TRMT11: variants seen among roughly 807,000 people sequenced by gnomAD.
TRMT11 encodes tRNA (guanine(10)-N(2))-methyltransferase TRMT11.
TRMT11 carries 53 observed loss-of-function variants against 62.8 expected under a neutral mutation model. The ratio of observed to expected loss-of-function variants is 0.84; its 90% CI spans 0.68 to 1.06. TRMT11 has a LOEUF of 1.06. Ranked by LOEUF, TRMT11 falls within the 50% of genes least tolerant of loss-of-function variation. The pLI, the probability that TRMT11 is intolerant of heterozygous loss-of-function variation, is 0.00. For missense variants in TRMT11, 556 were observed against 553.4 expected, an observed-to-expected ratio of 1.00 and a Z score of -0.05; for synonymous variants, 188 against 190.3, an observed-to-expected ratio of 0.99 and a Z score of 0.10.
At chr6:126,115,120 C>T (rs907216391) in intron 19 of TRMT11, among the ~76,000 whole-genome samples, 2 of 152,050 alleles carry the variant, frequency 1.3e-5, no homozygotes, top group South Asian at 2.1e-4. Flanking sequence ...AGCCTAAATA[C>T]CCACCTTCCA....
At chr6:126,242,000 G>A in the TRMT11 span, among the ~76,000 whole-genome samples, 15 of 151,922 alleles carry the variant, frequency 9.9e-5, no homozygotes, top group Middle Eastern at 3.4e-3. Flanking sequence ...AATTGTCCCT[G>A]TTTGCAGATG....
At chr6:126,180,998 A>T (rs1216583238) in intron 1 of TRMT11, among the ~76,000 whole-genome samples, 4 of 152,216 alleles carry the variant, frequency 2.6e-5, no homozygotes, top group Admixed American at 6.5e-5. Context: ...TATTTACAAG[A>T]ACACAATTTT....
chr6:126,027,206 C>A (rs890382888), intron 12 of TRMT11, among the ~76,000 whole-genome samples: 2 of 152,014 alleles, frequency 1.3e-5, no homozygotes, highest in Non-Finnish European at 2.9e-5. Context: ...AAACATTTTT[C>A]TTATATGAAA....
At chr6:126,109,468 C>T (rs1777501585) in intron 17 of TRMT11, among the ~76,000 whole-genome samples, 1 of 152,168 alleles carries the variant, frequency 6.6e-6, no homozygotes, top group South Asian at 2.1e-4. Context: ...AGGAATGACA[C>T]TGAAGTGATG....
At chr6:126,221,085 T>C in the TRMT11 span, among the ~76,000 whole-genome samples, 1 of 152,148 alleles carries the variant, frequency 6.6e-6, no homozygotes, top group East Asian at 1.9e-4. Context: ...CTGCAAAGGA[T>C]GTAATTTCAT....
At chr6:126,097,232 C>T (rs1292811083) in intron 17 of TRMT11, among the ~76,000 whole-genome samples, 1 of 152,138 alleles carries the variant, frequency 6.6e-6, no homozygotes, top group Non-Finnish European at 1.5e-5. Context: ...TAGAAAATGA[C>T]TTCCCTTCCT....
intron 17 of TRMT11, among the ~76,000 whole-genome samples, chr6:126,054,556 G>A (rs531917018): frequency 1.4e-4 from 22 of 152,238 alleles, no homozygotes; most frequent in African/African-American, 4.8e-4. Context: ...CAGTGCTGAC[G>A]GTGTAGGCCT....
intron 3 of TRMT11, among the ~76,000 whole-genome samples, chr6:126,201,101 G>A (rs1778730438): frequency 6.6e-6 from 1 of 152,070 alleles, no homozygotes; most frequent in Non-Finnish European, 1.5e-5. Context: ...ATGAAATCTT[G>A]GCATCTTTAA....
At chr6:126,023,648 A>G (rs566926785) in intron 12 of TRMT11, among the ~76,000 whole-genome samples, 58 of 152,306 alleles carry the variant, frequency 3.8e-4, no homozygotes, top group African/African-American at 1.3e-3. Flanking sequence ...CTCTGTCTCA[A>G]AACAAACAAC....
chr6:126,127,581 A>G (rs55767404), intron 21 of TRMT11, among the ~76,000 whole-genome samples: 42,392 of 151,216 alleles, frequency 0.28, 6,319 homozygotes, highest in Middle Eastern at 0.45. Context: ...GTACACATGT[A>G]CCATGTTGGT....
chr6:126,050,055 A>G (rs1029983413), intron 16 of TRMT11, among the ~76,000 whole-genome samples: 2 of 152,158 alleles, frequency 1.3e-5, no homozygotes, highest in African/African-American at 4.8e-5. Context: ...TGGACTGGGC[A>G]TGGTGGCTCA....
chr6:126,180,221 A>T (rs1227752651), intron 1 of TRMT11, among the ~76,000 whole-genome samples: 1 of 152,222 alleles, frequency 6.6e-6, no homozygotes, highest in Non-Finnish European at 1.5e-5. Flanking sequence ...TACAAAGATT[A>T]CCTATTGTGA....
chr6:126,145,884 G>A (rs1239939656), intron 21 of TRMT11, among the ~76,000 whole-genome samples: 1 of 151,926 alleles, frequency 6.6e-6, no homozygotes, highest in Non-Finnish European at 1.5e-5. Flanking sequence ...ACTTTCTACA[G>A]GTTAAAAATC....
intron 17 of TRMT11, among the ~76,000 whole-genome samples, chr6:126,079,308 C>A (rs756448180): frequency 8.5e-5 from 13 of 152,098 alleles, no homozygotes; most frequent in Non-Finnish European, 1.8e-4. Context: ...AAATTTAACA[C>A]CATGCTCTTG....
At chr6:126,169,612 GT>G (rs1239434531) in intron 21 of TRMT11, among the ~76,000 whole-genome samples, 3 of 152,284 alleles carry the variant, frequency 2.0e-5, no homozygotes, top group Admixed American at 6.5e-5. Flanking sequence ...GGTAAAATAT[GT>G]GGTCACCTGG....
chr6:126,089,761 A>G lies in TRMT11; in HGVS notation c.*1438-23105A>G, dbSNP rs140844252. 4.3e-3 allele frequency among the ~76,000 whole-genome samples: 650 copies of G among 152,344 alleles called. 2 individuals are homozygous for G. Among genetic ancestry groups the G allele is most frequent in the African/African-American group, 0.014 (600 of 41,574 alleles). The stretch of plus-strand genomic sequence containing the variant: ...GTCATTAGGAATTTATGTCTACTGT[A>G]ATTGTGTTTGTAACTTTCCACTAGA... On this transcript the variant is annotated intron_variant and NMD_transcript_variant, in intron 17 of 22. Coordinates refer to the TRMT11 transcript ENST00000648977.
intron 1 of TRMT11, among the ~76,000 whole-genome samples, chr6:126,185,204 T>G (rs963606441): frequency 6.6e-6 from 1 of 152,176 alleles, no homozygotes; most frequent in African/African-American, 2.4e-5. Context: ...TATTTGGTAA[T>G]GAAGATTTAT....
intron 12 of TRMT11, among the ~76,000 whole-genome samples, chr6:126,031,982 G>A (rs899049337): frequency 2.0e-5 from 3 of 152,086 alleles, no homozygotes; most frequent in Admixed American, 6.6e-5. Context: ...AGAATTTTGC[G>A]GGGAGGTAGA....
rs184923944 is a variant in TRMT11, at chr6:126,083,849, A to G, written c.*1438-29017A>G. 2.1e-3 allele frequency among the ~76,000 whole-genome samples: 317 copies of G among 152,264 alleles called. 2 individuals are homozygous for G. Among genetic ancestry groups the G allele is most frequent in the Admixed American group, 4.3e-3 (66 of 15,280 alleles). ...ATATTTGATTTTAAAAATATTGCAC[A>G]TATAAGAGAAATTATTTTCTGTGTC... On this transcript the variant is annotated intron_variant and NMD_transcript_variant, in intron 17 of 22. Coordinates refer to the TRMT11 transcript ENST00000648977.
Sources: gnomAD v4.1 joint callset for allele counts (sites outside exome capture counted in the v4.1 genomes callset) on GRCh38, gnomAD v4.1.1 for gene constraint, MANE v1.5 for transcripts, NCBI Gene and HGNC (gene_info 2026-07-23, HGNC 2026-07-21) for gene names.